PTGR2: variants seen among roughly 807,000 people sequenced by gnomAD.
The protein encoded by PTGR2 is 15-oxoprostaglandin 13-reductase.
A neutral mutation model predicts 43.4 loss-of-function variants in PTGR2; 32 were observed. That is an observed-to-expected ratio of 0.74 (90% CI 0.56 to 0.99). The LOEUF (loss-of-function observed/expected upper bound fraction) is 0.99, where lower values mean the gene tolerates loss of function less well. PTGR2 is among the 50% of genes least tolerant of loss of function. The pLI, the probability that PTGR2 is intolerant of heterozygous loss-of-function variation, is 0.00. For missense variants in PTGR2, 373 were observed against 420.0 expected (o/e 0.89, Z 0.98); for synonymous variants, 106 against 139.2 (o/e 0.76, Z 1.68).
chr14:73,865,834 CT>C (rs2054586239), intron 3 of PTGR2, among the ~76,000 whole-genome samples: 1 of 151,752 alleles, frequency 6.6e-6, no homozygotes, highest in Non-Finnish European at 1.5e-5. Flanking sequence ...ATTGGTTTGT[CT>C]TAGTACTCTT....
intron 3 of PTGR2, among the ~76,000 whole-genome samples, chr14:73,870,096 C>T (rs1373712932): frequency 6.6e-6 from 1 of 151,364 alleles, no homozygotes; most frequent in Non-Finnish European, 1.5e-5. Flanking sequence ...ACTTGGGAGA[C>T]TTGAGGTGGG....
At chr14:73,864,459 A>T (rs2054558557) in intron 3 of PTGR2, among the ~76,000 whole-genome samples, 1 of 152,170 alleles carries the variant, frequency 6.6e-6, no homozygotes, top group Non-Finnish European at 1.5e-5. Flanking sequence ...ACTTGTTATT[A>T]TCTGTCTTTT....
At chr14:73,882,469 A>G in intron 9 of PTGR2, 31 bp downstream of exon 9, 1 of 1,361,398 alleles carries the variant, frequency 7.3e-7, no homozygotes, top group South Asian at 1.2e-5. Context: ...TTATATACAC[A>G]TGCTCAGCAC....
intron 3 of PTGR2, among the ~76,000 whole-genome samples, chr14:73,862,411 G>C (rs2140242515): frequency 6.6e-6 from 1 of 152,170 alleles, no homozygotes; most frequent in Non-Finnish European, 1.5e-5. Flanking sequence ...GTTTCACTGT[G>C]TTAGCCAGGA....
At chr14:73,868,524 T>C (rs1245883035) in intron 3 of PTGR2, among the ~76,000 whole-genome samples, 2 of 152,178 alleles carry the variant, frequency 1.3e-5, no homozygotes, top group East Asian at 1.9e-4. Context: ...GATTTGCTTA[T>C]TTTTAGAGAT....
intron 1 of PTGR2, among the ~76,000 whole-genome samples, chr14:73,855,431 A>G (rs1428195574): frequency 2.0e-5 from 3 of 152,036 alleles, no homozygotes; most frequent in Admixed American, 6.6e-5. Flanking sequence ...AGAACGTTAT[A>G]GTGCAATTAC....
intron 3 of PTGR2, among the ~76,000 whole-genome samples, chr14:73,863,960 G>A (rs1482548871): frequency 6.6e-6 from 1 of 152,004 alleles, no homozygotes; most frequent in Non-Finnish European, 1.5e-5. Context: ...GTCACCTCTT[G>A]CTATGAGACA....
rs142695585 is a variant in PTGR2 at position 73,877,166 on chromosome 14, C to T, written c.517C>T (p.Gln173Ter). 6.3e-7 allele frequency: 1 copy of T among 1,597,334 alleles called. No individual in the cohort carries two copies. Among genetic ancestry groups the T allele is most frequent in the African/African-American group, 1.4e-5 (1 of 73,972 alleles). The change falls in exon 5 of 10, where the codon CAG (glutamine) becomes TAG (stop). Residue 173 changes from glutamine (Q) to a stop codon, truncating the protein, a stop_gained and splice_region_variant. Transcript: ENST00000555661. LOFTEE classifies it high-confidence loss of function. ...AAGACGSVAG[Q>*]IGHFLGCSRV... Reference sequence around the variant, plus strand: ...AGGTGCCTGTGGATCTGTGGCTGGGCAGGTAAACTTTCTGAGAATTATTTG... The same window carrying T: ...AGGTGCCTGTGGATCTGTGGCTGGGTAGGTAAACTTTCTGAGAATTATTTG...
Position 73,874,225 on chromosome 14 carries a change from T to A in PTGR2, c.348+11T>A. 6.3e-7 allele frequency: 1 copy of A among 1,575,784 alleles called. No individual in the cohort carries two copies. Among genetic ancestry groups the A allele is most frequent in the Non-Finnish European group, 8.7e-7 (1 of 1,155,552 alleles). ...AATAGCCTTGAAAAGGTGATATATA[T>A]ATGAACATATCTGATTTTTTTTCCC... is the stretch of plus-strand genomic sequence containing the variant. On this transcript the variant is annotated intron_variant, in intron 4 of 9. Coordinates refer to ENST00000555661, the MANE Select transcript of PTGR2 (RefSeq NM_001146154.2).
At chr14:73,860,200 G>T (rs17093141) in intron 2 of PTGR2, among the ~76,000 whole-genome samples, 22,956 of 151,812 alleles carry the variant, frequency 0.15, 2,334 homozygotes, top group East Asian at 0.49. Context: ...ACCCTTTAAA[G>T]AATAATAAGT....
chr14:73,880,587 CA>C (rs370222443), intron 7 of PTGR2, among the ~76,000 whole-genome samples: 32 of 102,964 alleles, frequency 3.1e-4, no homozygotes, highest in East Asian at 1.0e-3. Context: ...CTCAAAAAAA[CA>C]AAAAAAAAAA....
At chr14:73,857,444 C>G (rs962377442) in intron 1 of PTGR2, among the ~76,000 whole-genome samples, 3 of 151,538 alleles carry the variant, frequency 2.0e-5, no homozygotes, top group Non-Finnish European at 4.4e-5. Flanking sequence ...GAAACCCTGT[C>G]TCTACTAAAA....
intron 8 of PTGR2, 25 bp downstream of exon 8, chr14:73,881,317 A>G (rs1288361754): frequency 3.0e-6 from 4 of 1,339,654 alleles, no homozygotes; most frequent in Non-Finnish European, 4.3e-6. Flanking sequence ...CTTTATCAAT[A>G]TAATTCTTCC....
intron 3 of PTGR2, among the ~76,000 whole-genome samples, chr14:73,862,194 C>T (rs2054506011): frequency 6.7e-6 from 1 of 149,188 alleles, no homozygotes; most frequent in South Asian, 2.1e-4. Flanking sequence ...TTTTTATTAA[C>T]TTTTGTTGTT....
chr14:73,856,244 T>G (rs1285223217), intron 1 of PTGR2, among the ~76,000 whole-genome samples: 1 of 151,874 alleles, frequency 6.6e-6, no homozygotes, highest in Non-Finnish European at 1.5e-5. Context: ...TTTTAAAATC[T>G]TTTTTGTTGT....
chr14:73,857,689 G>A (rs1345675424), intron 1 of PTGR2, among the ~76,000 whole-genome samples: 1 of 23,484 alleles, frequency 4.3e-5, no homozygotes, highest in African/African-American at 1.7e-4. Flanking sequence ...TTTTTTTTGA[G>A]ACAGAATCTC....
intron 3 of PTGR2, among the ~76,000 whole-genome samples, chr14:73,866,738 C>G (rs1449958482): frequency 6.6e-6 from 1 of 152,080 alleles, no homozygotes; most frequent in African/African-American, 2.4e-5. Context: ...AGCAGATGTC[C>G]TTCTCTAATG....
At chr14:73,863,096 T>C (rs1478944082) in intron 3 of PTGR2, among the ~76,000 whole-genome samples, 3 of 152,218 alleles carry the variant, frequency 2.0e-5, no homozygotes, top group African/African-American at 4.8e-5. Flanking sequence ...ATTTTTAGTA[T>C]ATTCACGGAA....
At chr14:73,853,607 G>C (rs1288409589) in intron 1 of PTGR2, among the ~76,000 whole-genome samples, 1 of 152,186 alleles carries the variant, frequency 6.6e-6, no homozygotes, top group Admixed American at 6.6e-5. Context: ...ACAGGCCTGA[G>C]CCACCATACC....
Sources: gnomAD v4.1 joint callset for allele counts (sites outside exome capture counted in the v4.1 genomes callset) on GRCh38, gnomAD v4.1.1 for gene constraint, MANE v1.5 for transcripts, NCBI Gene and HGNC (gene_info 2026-07-23, HGNC 2026-07-21) for gene names.